Variants in TELO2 observed in about 807,000 individuals in gnomAD.
TELO2 encodes telomere length regulation protein TEL2 homolog.
Under a neutral mutation model 91.0 loss-of-function variants are expected in TELO2, and 71 were observed. The observed-to-expected ratio is 0.78, with a 90% CI of 0.64 to 0.95. The LOEUF is 0.95. Ranked by LOEUF, TELO2 falls within the 40% of genes least tolerant of loss-of-function variation. The pLI is 0.00. For synonymous variants in TELO2, 584 were observed against 518.9 expected (o/e 1.13, Z -1.71); for missense variants, 1,183 against 1,141.3 (o/e 1.04, Z -0.53).
In TELO2 at chr16:1,502,954, G is replaced by C. The variant is rs558013839; in HGVS notation, c.1794G>C (p.Gln598His). 4.0e-5 allele frequency: 65 copies of C among 1,611,498 alleles called. No individual in the cohort carries two copies. In the South Asian group the frequency reaches 6.8e-4, roughly 17 times the overall value. ...AGGTGGCCGACTATCTGACCTCACA[G>C]TTCTATGCCCTCAACTACAGCCTCC... ...PAPVADYLTS[Q>H]FYALNYSLRQ... Residue 598 changes from glutamine to histidine, a missense_variant, in exon 15 of 21, where the codon CAG becomes CAC. Transcript: ENST00000262319.
At chr16:1,508,895 G>A (rs1197417289) in intron 20 of TELO2, among the ~76,000 whole-genome samples, 1 of 152,222 alleles carries the variant, frequency 6.6e-6, no homozygotes, top group Non-Finnish European at 1.5e-5. Flanking sequence ...AGGGTCCTGG[G>A]CCCAAAGCGT....
chr16:1,499,727 G>T (rs150977750), intron 6 of TELO2, among the ~76,000 whole-genome samples: 1,960 of 152,292 alleles, frequency 0.013, 38 homozygotes, highest in African/African-American at 0.042. Context: ...CCTGAGCCCA[G>T]AGTGGGTGAG....
At chr16:1,506,534 G>A in intron 17 of TELO2, 1 of 1,438,528 alleles carries the variant, frequency 7.0e-7, no homozygotes, top group South Asian at 1.4e-5. Context: ...TGAGGCACCA[G>A]GCATCTGCTC....
chr16:1,503,167 A>G (rs2039769600), intron 15 of TELO2, among the ~76,000 whole-genome samples, 165 bp downstream of exon 15: 1 of 152,166 alleles, frequency 6.6e-6, no homozygotes, highest in South Asian at 2.1e-4. Flanking sequence ...TGGGGGAGTC[A>G]GGGCTCCCGG....
intron 13 of TELO2, 79 bp downstream of exon 13, chr16:1,502,483 G>A (rs1217273022): frequency 2.0e-6 from 3 of 1,525,272 alleles, no homozygotes; most frequent in Admixed American, 3.7e-5. Flanking sequence ...GCCACTGAGG[G>A]TGACATATGG....
chr16:1,498,460 C>G (rs1029289289), intron 5 of TELO2, among the ~76,000 whole-genome samples: 1 of 151,692 alleles, frequency 6.6e-6, no homozygotes, highest in Admixed American at 6.6e-5. Flanking sequence ...TTTTTAGAGA[C>G]AGGATCTTGC....
rs996728622 is a variant in TELO2 at position 1,509,742 on chromosome 16, G to A, written c.2408-88G>A. 7.2e-6 allele frequency: 9 copies of A among 1,257,172 alleles called. No individual in the cohort carries two copies. In the Admixed American group the frequency reaches 8.0e-5, roughly 11 times the overall value. 77.9% of individuals were successfully genotyped at this position (1,257,172 alleles called of 1,614,324 possible). Reference sequence around the variant, plus strand: ...TTTCTTCCATGGAGTCAGGCCTGGCGGGGCTGGTTCAGGCAGACTGAAGAC... The same window carrying A: ...TTTCTTCCATGGAGTCAGGCCTGGCAGGGCTGGTTCAGGCAGACTGAAGAC... On this transcript the variant is annotated intron_variant, in intron 20 of 20. Coordinates refer to ENST00000262319, the MANE Select transcript of TELO2 (RefSeq NM_016111.4).
intron 13 of TELO2, 29 bp from the exon 14 acceptor site, chr16:1,502,616 G>A (rs1358154068): frequency 6.2e-7 from 1 of 1,603,180 alleles, no homozygotes; most frequent in Non-Finnish European, 8.5e-7. Context: ...GGGTCCGACA[G>A]GTTTCCCAGC....
In TELO2 at chr16:1,497,134, C is replaced by T. The variant is rs748200530; in HGVS notation, c.682+30C>T. ...GTAGAGCAGTGCCTTCCTGCCCATC[C>T]TGCCCCGACCCTCACAGCCCATCAG... On this transcript the variant is annotated intron_variant, in intron 4 of 20. Transcript: ENST00000262319. This position sits in a 1 kb window ranked among gnomAD's most constrained non-coding sequence, Gnocchi z 4.0. 1 of 1,612,852 alleles carries T rather than the reference C, an allele frequency of 6.2e-7. No individual in the cohort carries two copies. Among genetic ancestry groups the T allele is most frequent in the Non-Finnish European group, 8.5e-7 (1 of 1,179,216 alleles).
At chr16:1,496,958 G>A in intron 3 of TELO2, 78 bp from the exon 4 acceptor site, 1 of 1,449,948 alleles carries the variant, frequency 6.9e-7, no homozygotes. Flanking sequence ...GCCTGACCGA[G>A]AGCAGCTCTC....
At chr16:1,504,105 A>G (rs2039797972) in intron 15 of TELO2, among the ~76,000 whole-genome samples, 2 of 147,664 alleles carry the variant, frequency 1.4e-5, no homozygotes, top group Admixed American at 6.8e-5. Flanking sequence ...AGCCTGGGCA[A>G]TAGAGCAAGA....
Position 1,497,281 on chromosome 16 carries a change from T to G in TELO2, c.683-80T>G. 8 of 1,491,788 alleles carry G rather than the reference T, an allele frequency of 5.4e-6. No individual in the cohort carries two copies. Among genetic ancestry groups the G allele is most frequent in the Non-Finnish European group, 7.2e-6 (8 of 1,113,976 alleles). 92.4% of individuals were successfully genotyped at this position (1,491,788 alleles called of 1,614,324 possible). On this transcript the variant is annotated intron_variant, in intron 4 of 20. Coordinates refer to ENST00000262319, the MANE Select transcript of TELO2 (RefSeq NM_016111.4). This position sits in a 1 kb window ranked among gnomAD's most constrained non-coding sequence, Gnocchi z 4.0. ...TGTGCTTACTGGGGAGCTGTGGGACTGTCCTTGCTGGACCCACACAGCCCC... is the reference window on the plus strand; with the variant it reads ...TGTGCTTACTGGGGAGCTGTGGGACGGTCCTTGCTGGACCCACACAGCCCC...
Position 1,500,151 on chromosome 16 carries a change from C to T in TELO2, c.989C>T (p.Pro330Leu), listed in dbSNP as rs372262384. 1.2e-5 allele frequency: 20 copies of T among 1,605,946 alleles called. 1 individual carries two copies. The highest frequency in any genetic ancestry group is 1.9e-4 in the Middle Eastern group (1 of 5,148). Residue 330 changes from proline to leucine, a missense_variant, in exon 7 of 21, where the codon CCG becomes CTG. Transcript: ENST00000262319. Reference protein sequence around the residue: ...GHLAMDSQRRPLLLQVLKELL... With the variant: ...GHLAMDSQRRLLLLQVLKELL... ...CTGGCCATGGACAGCCAGCGGCGCCCGCTCCTGCTGCAGGTACGTGCCTCC... is the reference window on the plus strand; with the variant it reads ...CTGGCCATGGACAGCCAGCGGCGCCTGCTCCTGCTGCAGGTACGTGCCTCC...
rs1484399554 is a variant in TELO2 at position 1,494,363 on chromosome 16, ATCT to A, written c.86_88del (p.Phe29del). On this transcript the variant is annotated inframe_deletion, in exon 2 of 21. Transcript: ENST00000262319. The surrounding 1 kb of genome is among the most constrained non-coding windows in gnomAD (Gnocchi z 5.6). ...CTCGTCTTCGGAGGATGGCGGCCAC[ATCT>A]TCTGCACCCTGGAGTCCCTGAAGCG... The A allele has an allele frequency of 6.2e-7, 1 of 1,612,914 alleles. No homozygotes were observed. Among genetic ancestry groups the A allele is most frequent in the Admixed American group, 1.7e-5 (1 of 59,934 alleles).
chr16:1,495,669 G>T (rs746609176), intron 3 of TELO2, 46 bp downstream of exon 3: 3 of 1,536,782 alleles, frequency 2.0e-6, no homozygotes, highest in Non-Finnish European at 2.6e-6. Flanking sequence ...GTCTTCTTGG[G>T]TCCTCGTCCC....
At chr16:1,495,247 G>A (rs2039436095) in intron 2 of TELO2, 99 bp from the exon 3 acceptor site, 6 of 1,436,876 alleles carry the variant, frequency 4.2e-6, no homozygotes, top group Non-Finnish European at 4.6e-6. Context: ...TTATGTTGTT[G>A]GGGCTGCCCG....
At chr16:1,509,695 G>A (rs1170307624) in intron 20 of TELO2, 135 bp from the exon 21 acceptor site, 2 of 752,566 alleles carry the variant, frequency 2.7e-6, no homozygotes, top group Non-Finnish European at 2.2e-6. Flanking sequence ...AGAGTCCGGG[G>A]TCACTGCAGA....
rs534645387 is a variant in TELO2, at chr16:1,505,948, G to A, written c.2035-290G>A. Among the ~76,000 whole-genome samples, 9 of 152,324 alleles carry A rather than the reference G, an allele frequency of 5.9e-5. No individual in the cohort carries two copies. Among genetic ancestry groups the A allele is most frequent in the Admixed American group, 2.6e-4 (4 of 15,306 alleles). On this transcript the variant is annotated intron_variant, in intron 16 of 20. Coordinates refer to ENST00000262319, the MANE Select transcript of TELO2 (RefSeq NM_016111.4). This position sits in a 1 kb window ranked among gnomAD's most constrained non-coding sequence, Gnocchi z 4.3. ...TCACTAGGGGTGGGTTGGAGGCCAC[G>A]GAGGCATCCTGCAGTGCCCAGGGCG...
Position 1,500,547 on chromosome 16 carries a change from T to G in TELO2, c.1145-16T>G. 1 of 1,611,236 alleles carries G rather than the reference T, an allele frequency of 6.2e-7. No homozygotes were observed. Among genetic ancestry groups the G allele is most frequent in the Non-Finnish European group, 8.5e-7 (1 of 1,179,298 alleles). ...GGCGCCCCGAGGTGCTCAGGGGGCC[T>G]GTCCGGTGCTTGCAGAACTGCTGGC... On this transcript the variant is annotated splice_polypyrimidine_tract_variant and intron_variant, in intron 8 of 20. Coordinates refer to ENST00000262319, the MANE Select transcript of TELO2 (RefSeq NM_016111.4).
Sources: allele counts gnomAD v4.1 joint callset (sites outside exome capture counted in the v4.1 genomes callset), GRCh38; gene constraint gnomAD v4.1.1; non-coding constraint Gnocchi (gnomAD v3.1); transcripts MANE v1.5; gene names NCBI Gene and HGNC (gene_info 2026-07-23, HGNC 2026-07-21).